ANKMY2: variants seen among roughly 807,000 people sequenced by gnomAD.
ANKMY2 encodes ankyrin repeat and MYND domain-containing protein 2.
Under a neutral mutation model 50.4 loss-of-function variants are expected in ANKMY2, and 36 were observed. The observed-to-expected ratio is 0.71, with a 90% CI of 0.55 to 0.94. The LOEUF (loss-of-function observed/expected upper bound fraction) is 0.94. Ranked by LOEUF, ANKMY2 falls within the 40% of genes least tolerant of loss-of-function variation. The pLI is 0.00. For synonymous variants in ANKMY2, 187 were observed against 178.8 expected, an observed-to-expected ratio of 1.05 and a Z score of -0.36; for missense variants, 565 against 524.0, an observed-to-expected ratio of 1.08 and a Z score of -0.76.
In ANKMY2 at chr7:16,610,601, A is replaced by T. The variant is rs375070381; in HGVS notation, c.694T>A (p.Cys232Ser). Residue 232 changes from cysteine (C) to serine (S), a missense_variant, in exon 6 of 10, where the codon TGC becomes AGC. Coordinates refer to ENST00000306999, the MANE Select transcript of ANKMY2 (RefSeq NM_020319.3). ...MHYISCIFQK[C>S]INFLKDGENK... ...TCTCCATCTTTTAAGAAGTTAATGC[A>T]TTTCTGAAAGATACAGCTTATGTAA... is the stretch of plus-strand genomic sequence containing the variant. 35 of 1,613,842 alleles carry T rather than the reference A, an allele frequency of 2.2e-5. 1 individual carries two copies. Among genetic ancestry groups the T allele is most frequent in the Middle Eastern group, 1.6e-4 (1 of 6,080 alleles).
At chr7:16,644,223 C>G (rs1465314152) in intron 1 of ANKMY2, among the ~76,000 whole-genome samples, 1 of 152,210 alleles carries the variant, frequency 6.6e-6, no homozygotes, top group African/African-American at 2.4e-5. Flanking sequence ...ACAGGAAGAA[C>G]TGAAAGACTG....
Position 16,612,586 on chromosome 7 carries a change from T to C in ANKMY2, c.532-1823A>G, listed in dbSNP as rs139616474. Among the ~76,000 whole-genome samples the C allele has an allele frequency of 9.0e-3, 1,372 of 152,314 alleles. 7 individuals carry two copies. The highest frequency in any genetic ancestry group is 0.014 in the Non-Finnish European group (983 of 68,022). ...TATATATGGCATTTATAATCAACTA[T>C]AGAATCTTAAACTTACAAGTGAGAA... On this transcript the variant is annotated intron_variant, in intron 5 of 9. Coordinates refer to ENST00000306999, the MANE Select transcript of ANKMY2 (RefSeq NM_020319.3).
At position 16,610,611 on chromosome 7, in the gene ANKMY2, G is replaced by T. The variant is rs781631929; in HGVS notation, c.684C>A (p.Ile228=). ...LAMKMHYISC[I]FQKCINFLKD... ...TTAAGAAGTTAATGCATTTCTGAAA[G>T]ATACAGCTTATGTAATGCATCTTCA... is the stretch of plus-strand genomic sequence containing the variant. The change falls in exon 6 of 10, where the codon ATC becomes ATA. Residue 228 remains isoleucine (I), a synonymous_variant. Coordinates refer to ENST00000306999, the MANE Select transcript of ANKMY2 (RefSeq NM_020319.3). 2 of 1,613,946 alleles carry T rather than the reference G, an allele frequency of 1.2e-6. No individual in the cohort carries two copies.
chr7:16,603,966 A>G (rs1781114193), intron 8 of ANKMY2, among the ~76,000 whole-genome samples: 1 of 152,218 alleles, frequency 6.6e-6, no homozygotes, highest in African/African-American at 2.4e-5. Context: ...GTAATAATTA[A>G]CCAATATAAA....
rs541838126 is a variant in ANKMY2 at position 16,645,726 on chromosome 7, C to T, written c.-153G>A. On this transcript the variant is annotated 5_prime_UTR_variant, in exon 1 of 10. Coordinates refer to ENST00000306999, the MANE Select transcript of ANKMY2 (RefSeq NM_020319.3). The stretch of plus-strand genomic sequence containing the variant: ...AAACGCTTCGCTTCTCTCCTCCCTC[C>T]CGCGGGCTGGCGGACAGCGGGCGAG... 3.5e-6 allele frequency: 3 copies of T among 849,332 alleles called. No homozygotes were observed. Among genetic ancestry groups the T allele is most frequent in the South Asian group, 4.2e-5 (2 of 47,404 alleles). 52.6% of individuals were successfully genotyped at this position (849,332 alleles called of 1,614,324 possible). A position where few individuals can be genotyped will look rare whatever the true frequency, so the allele number is the denominator to read the frequency against.
Position 16,602,465 on chromosome 7 carries a change from A to C in ANKMY2, c.1056T>G (p.Thr352=). The part of the protein sequence containing the change: ...DQTCQKTHWF[T]HKKICKNLKD... The stretch of plus-strand genomic sequence containing the variant: ...TCAGATTCTTACAGATTTTCTTATG[A>C]GTAAACCAGTGTGTTTTCTGGCAGG... The change falls in exon 9 of 10, where the codon ACT becomes ACG. Residue 352 remains threonine (T), a synonymous_variant. Coordinates refer to ENST00000306999, the MANE Select transcript of ANKMY2 (RefSeq NM_020319.3). 1 of 1,613,904 alleles carries C rather than the reference A, an allele frequency of 6.2e-7. No homozygotes were observed. Among genetic ancestry groups the C allele is most frequent in the Non-Finnish European group, 8.5e-7 (1 of 1,179,966 alleles).
chr7:16,628,221 C>T (rs1326967119), intron 2 of ANKMY2, among the ~76,000 whole-genome samples: 7 of 152,122 alleles, frequency 4.6e-5, no homozygotes, highest in Non-Finnish European at 1.0e-4. Context: ...ACATATAATC[C>T]GTTACCTTAG....
chr7:16,605,296 T>C (rs923316050), intron 7 of ANKMY2, among the ~76,000 whole-genome samples: 2 of 152,146 alleles, frequency 1.3e-5, no homozygotes, highest in Non-Finnish European at 1.5e-5. Context: ...TCTAAGTATT[T>C]TAAAGACAAT....
chr7:16,608,667 G>A (rs1041032313), intron 7 of ANKMY2, among the ~76,000 whole-genome samples: 17 of 152,112 alleles, frequency 1.1e-4, no homozygotes, highest in Admixed American at 9.2e-4. Flanking sequence ...ACGTATAAAA[G>A]CATGAATGGG....
intron 1 of ANKMY2, among the ~76,000 whole-genome samples, chr7:16,641,804 T>C (rs1172181050): frequency 2.0e-5 from 3 of 152,178 alleles, no homozygotes. Flanking sequence ...AAAAAAAGGA[T>C]ACTTATTGTA....
intron 4 of ANKMY2, among the ~76,000 whole-genome samples, chr7:16,616,339 A>G (rs1313727922): frequency 6.6e-6 from 1 of 152,180 alleles, no homozygotes; most frequent in Admixed American, 6.5e-5. Context: ...CTATAATGAT[A>G]ATATTAAACT....
At chr7:16,634,204 G>A (rs1303081351) in intron 2 of ANKMY2, among the ~76,000 whole-genome samples, 3 of 152,078 alleles carry the variant, frequency 2.0e-5, no homozygotes, top group South Asian at 2.1e-4. Context: ...ATTAGAAACC[G>A]GTACTTCTAG....
rs1209049277 is a variant in ANKMY2 at position 16,645,581 on chromosome 7, G to A, written c.-8C>T. The stretch of plus-strand genomic sequence containing the variant: ...TTTCTTTATGTGAACCATTGCTCCC[G>A]CCAGCTTGAAGGTTATTCCCTTTCT... On this transcript the variant is annotated 5_prime_UTR_variant, in exon 1 of 10. Coordinates refer to ENST00000306999, the MANE Select transcript of ANKMY2 (RefSeq NM_020319.3). The A allele has an allele frequency of 6.2e-7, 1 of 1,609,790 alleles. No individual in the cohort carries two copies. The highest frequency in any genetic ancestry group is 1.1e-5 in the South Asian group (1 of 90,460).
rs1049426776 is a variant in ANKMY2 at position 16,600,554 on chromosome 7, T to C, written c.*207A>G. The C allele has an allele frequency of 7.5e-6, 3 of 401,830 alleles. No homozygotes were observed. The highest frequency in any genetic ancestry group is 3.7e-5 in the East Asian group (1 of 27,026). 24.9% of individuals were successfully genotyped at this position (401,830 alleles called of 1,614,324 possible). ...GTATTTTGAAACAAAAAATTTTCCATAGGAATATCCATTCAATTATAGAAC... is the reference window on the plus strand; with the variant it reads ...GTATTTTGAAACAAAAAATTTTCCACAGGAATATCCATTCAATTATAGAAC... On this transcript the variant is annotated 3_prime_UTR_variant, in exon 10 of 10. Transcript: ENST00000306999.
At chr7:16,608,409 T>C (rs1344442746) in intron 7 of ANKMY2, among the ~76,000 whole-genome samples, 2 of 152,186 alleles carry the variant, frequency 1.3e-5, no homozygotes, top group Non-Finnish European at 2.9e-5. Context: ...TATGAGATGG[T>C]CTTTTCTGCT....
At chr7:16,610,915 C>A (rs931882518) in intron 5 of ANKMY2, 152 bp from the exon 6 acceptor site, 2 of 682,994 alleles carry the variant, frequency 2.9e-6, no homozygotes, top group African/African-American at 3.6e-5. Flanking sequence ...TGCAAATTAC[C>A]CAGAACTTAT....
intron 4 of ANKMY2, among the ~76,000 whole-genome samples, chr7:16,619,496 T>A (rs1275791930): frequency 1.3e-5 from 2 of 152,118 alleles, no homozygotes; most frequent in Non-Finnish European, 2.9e-5. Flanking sequence ...TTACTTTACC[T>A]TTTTTTCCAG....
intron 7 of ANKMY2, among the ~76,000 whole-genome samples, chr7:16,608,650 G>A (rs1008617218): frequency 2.6e-5 from 4 of 152,118 alleles, no homozygotes. Context: ...TCAAGTTTTT[G>A]ATTGAAACGT....
At chr7:16,629,942 A>G (rs1323812154) in intron 2 of ANKMY2, among the ~76,000 whole-genome samples, 1 of 152,190 alleles carries the variant, frequency 6.6e-6, no homozygotes, top group Non-Finnish European at 1.5e-5. Context: ...CCACCATGCT[A>G]TAAATTTTCT....
Sources: allele counts gnomAD v4.1 joint callset (sites outside exome capture counted in the v4.1 genomes callset), GRCh38; gene constraint gnomAD v4.1.1; transcripts MANE v1.5; gene names NCBI Gene and HGNC (gene_info 2026-07-23, HGNC 2026-07-21).